Variants in PSME4 observed in about 807,000 individuals in gnomAD.
PSME4 encodes the protein proteasome activator subunit 4, also known as proteasome activator complex subunit 4.
Under a neutral mutation model 253.9 loss-of-function variants are expected in PSME4, and 89 were observed. That is an observed-to-expected ratio of 0.35 (90% CI 0.30 to 0.42). The LOEUF is 0.42. Ranked by LOEUF, PSME4 falls within the 10% of genes least tolerant of loss-of-function variation. PSME4 has a pLI of 1.00. For missense variants in PSME4, 2,014 were observed against 2,195.2 expected, an observed-to-expected ratio of 0.92 and a Z score of 1.65; for synonymous variants, 851 against 759.2, an observed-to-expected ratio of 1.12 and a Z score of -1.99.
In PSME4 at chr2:53,908,384, T is replaced by TGA. The variant is rs752383613; in HGVS notation, c.2718_2719dup (p.His907LeufsTer15). On this transcript the variant is annotated frameshift_variant, in exon 24 of 47. Coordinates refer to ENST00000404125, the MANE Select transcript of PSME4 (RefSeq NM_014614.3). LOFTEE classifies it high-confidence loss of function. ...CCATCGGGAGTCAAATTCATGCTTG[T>TGA]GAGATCCTTGGAATTGTAAAAGGTC... is the stretch of plus-strand genomic sequence containing the variant. 1 of 1,613,262 alleles carries TGA rather than the reference T, an allele frequency of 6.2e-7. No individual in the cohort carries two copies. Among genetic ancestry groups the TGA allele is most frequent in the Non-Finnish European group, 8.5e-7 (1 of 1,179,574 alleles).
At chr2:53,929,570 C>G (rs1266218702) in intron 10 of PSME4, among the ~76,000 whole-genome samples, 1 of 151,748 alleles carries the variant, frequency 6.6e-6, no homozygotes, top group Non-Finnish European at 1.5e-5. Context: ...CCTGGGACTA[C>G]AGGCATAAGC....
At chr2:53,944,377 C>T (rs1669604952) in intron 3 of PSME4, among the ~76,000 whole-genome samples, 1 of 152,142 alleles carries the variant, frequency 6.6e-6, no homozygotes, top group Non-Finnish European at 1.5e-5. Context: ...CCAGGCTGGT[C>T]TCAAACTCCC....
chr2:53,922,424 A>G, intron 17 of PSME4, 93 bp downstream of exon 17: 7 of 1,324,096 alleles, frequency 5.3e-6, no homozygotes, highest in Non-Finnish European at 7.5e-6. Flanking sequence ...GACTTTTCAT[A>G]TGTTTTAAAG....
chr2:53,901,934 G>A (rs1480863196), intron 27 of PSME4, among the ~76,000 whole-genome samples: 1 of 152,130 alleles, frequency 6.6e-6, no homozygotes, highest in Non-Finnish European at 1.5e-5. Context: ...GGGCATGGTG[G>A]CACACACCTG....
chr2:53,874,611 T>C (rs1424349633), intron 42 of PSME4, 117 bp from the exon 43 acceptor site: 3 of 1,045,152 alleles, frequency 2.9e-6, no homozygotes, highest in Non-Finnish European at 4.2e-6. Context: ...TTTACACAGG[T>C]ATAGTTAGGA....
chr2:53,882,611 G>T (rs1679444165), intron 41 of PSME4, among the ~76,000 whole-genome samples: 1 of 152,150 alleles, frequency 6.6e-6, no homozygotes, highest in Non-Finnish European at 1.5e-5. Flanking sequence ...GGGCCATGGA[G>T]ATGAATTTGA....
chr2:53,970,623 C>G lies in PSME4; in HGVS notation c.162G>C (p.Gln54His). 1 of 1,550,032 alleles carries G rather than the reference C, an allele frequency of 6.5e-7. No homozygotes were observed. The change falls in exon 1 of 47, where the codon CAG becomes CAC. Residue 54 changes from glutamine to histidine, a missense_variant. By Grantham distance (24) the Gln-to-His change is conservative. Transcript: ENST00000404125. ...LDAESDLQLAQIKCNLGRAVQ... is the reference protein window; with the variant it reads ...LDAESDLQLAHIKCNLGRAVQ... ...CGGCCCGGCCCAGGTTGCATTTGAT[C>G]TGGGCCAGCTGCAAGTCGGACTCGG... is the stretch of plus-strand genomic sequence containing the variant.
At chr2:53,869,854 C>CT (rs1399464381) in intron 43 of PSME4, 2 of 172,620 alleles carry the variant, frequency 1.2e-5, no homozygotes, top group African/African-American at 4.7e-5. Context: ...GTGCCAGAAC[C>CT]TGACATTAAG....
intron 5 of PSME4, 32 bp from the exon 6 acceptor site, chr2:53,936,859 A>G (rs1409865442): frequency 6.7e-7 from 1 of 1,492,990 alleles, no homozygotes; most frequent in Non-Finnish European, 9.2e-7. Context: ...ATGAATAGCA[A>G]GTGATTTTAA....
At chr2:53,951,649 C>T (rs965868675) in intron 1 of PSME4, among the ~76,000 whole-genome samples, 1 of 152,108 alleles carries the variant, frequency 6.6e-6, no homozygotes, top group Non-Finnish European at 1.5e-5. Context: ...AATCCGAAAC[C>T]CTCCAAAATC....
intron 1 of PSME4, among the ~76,000 whole-genome samples, chr2:53,963,299 C>G (rs1372382113): frequency 2.6e-5 from 4 of 152,008 alleles, no homozygotes; most frequent in African/African-American, 9.7e-5. Context: ...CCCTATGATT[C>G]CAGCCTGGGT....
At position 53,920,189 on chromosome 2, in the gene PSME4, C is replaced by A; in HGVS notation, c.2420+4G>T. On this transcript the variant is annotated splice_donor_region_variant and intron_variant, in intron 19 of 46. Transcript: ENST00000404125. ...AATAACTCTAATTATAAAATAAAAC[C>A]AACCTAGACATTTCAAGTTTTCCAT... The A allele has an allele frequency of 6.3e-7, 1 of 1,586,384 alleles. No individual in the cohort carries two copies. The highest frequency in any genetic ancestry group is 1.8e-5 in the Admixed American group (1 of 55,522).
Position 53,936,142 on chromosome 2 carries a change from G to A in PSME4, c.779C>T (p.Ala260Val). The A allele has an allele frequency of 6.2e-7, 1 of 1,613,402 alleles. No homozygotes were observed. The highest frequency in any genetic ancestry group is 8.5e-7 in the Non-Finnish European group (1 of 1,179,624). ...CCCTATATTATCTGTAGCCAATCGAGCAAAGAGATTTACTAGTTGCTGAAA... is the reference window on the plus strand; with the variant it reads ...CCCTATATTATCTGTAGCCAATCGAACAAAGAGATTTACTAGTTGCTGAAA... ...QWEGQLVNLF[A>V]RLATDNIGYI... The change falls in exon 7 of 47, where the codon GCT (alanine) becomes GTT (valine). Residue 260 changes from alanine to valine, a missense_variant. This residue lies in a region of PSME4 where 615 missense variants were observed against 594.4 expected (regional missense o/e 1.03). Transcript: ENST00000404125.
chr2:53,928,179 T>C lies in PSME4; in HGVS notation c.1441A>G (p.Met481Val). The change falls in exon 11 of 47, where the codon ATG becomes GTG. Residue 481 changes from methionine (M) to valine (V), a missense_variant. Around this residue, in one of 4 missense-constraint regions of PSME4, gnomAD observed 615 missense variants for 594.4 expected, o/e 1.03. Transcript: ENST00000404125. Reference sequence around the variant, plus strand: ...AATGCTCTCATCAACAGAGGTAGCATATGTGTAGGACCTTCAGGAAACCAT... The same window carrying C: ...AATGCTCTCATCAACAGAGGTAGCACATGTGTAGGACCTTCAGGAAACCAT... ...GRWFPEGPTH[M>V]LPLLMRALPG... 6.2e-7 allele frequency: 1 copy of C among 1,614,086 alleles called. No homozygotes were observed. The highest frequency in any genetic ancestry group is 8.5e-7 in the Non-Finnish European group (1 of 1,179,996).
Position 53,874,325 on chromosome 2 carries a change from A to G in PSME4, c.5100+14T>C, listed in dbSNP as rs780735236. ...AATTGACTGAATTTCCGTTTTCTAT[A>G]ACTTAAATTTTACCTCCAGTTGTTC... is the stretch of plus-strand genomic sequence containing the variant. On this transcript the variant is annotated intron_variant, in intron 43 of 46. Transcript: ENST00000404125. The G allele has an allele frequency of 3.7e-6, 6 of 1,601,052 alleles. No homozygotes were observed. Among genetic ancestry groups the G allele is most frequent in the East Asian group, 2.2e-5 (1 of 44,806 alleles).
chr2:53,926,838 G>C (rs550699804), intron 12 of PSME4, among the ~76,000 whole-genome samples: 6 of 151,666 alleles, frequency 4.0e-5, no homozygotes, highest in African/African-American at 1.2e-4. Flanking sequence ...GCCAGGCATG[G>C]TGGTGCATGC....
At chr2:53,939,516 A>G (rs770932769) in intron 4 of PSME4, among the ~76,000 whole-genome samples, 2 of 152,206 alleles carry the variant, frequency 1.3e-5, no homozygotes, top group Non-Finnish European at 2.9e-5. Context: ...GCTTGAGGCC[A>G]GGGGTTCAAG....
rs146719830 is a variant in PSME4, at chr2:53,957,915, C to A, written c.243-8632G>T. 8.7e-4 allele frequency among the ~76,000 whole-genome samples: 132 copies of A among 152,248 alleles called. 1 individual carries two copies. The highest frequency in any genetic ancestry group is 1.9e-3 in the East Asian group (10 of 5,174). ...GCTTACAAAAACTATGTTCACTTTT[C>A]AATCTCCTGTGGAACACACATAAAA... On this transcript the variant is annotated intron_variant, in intron 1 of 46. Transcript: ENST00000404125.
At chr2:53,943,396 C>G (rs1224040359) in intron 3 of PSME4, among the ~76,000 whole-genome samples, 1 of 152,104 alleles carries the variant, frequency 6.6e-6, no homozygotes, top group Non-Finnish European at 1.5e-5. Context: ...TTCTCTACAC[C>G]CAAACAAATC....
Sources: allele counts gnomAD v4.1 joint callset (sites outside exome capture counted in the v4.1 genomes callset), GRCh38; gene constraint gnomAD v4.1.1; regional missense constraint gnomAD v4.1.1; transcripts MANE v1.5; gene names NCBI Gene and HGNC (gene_info 2026-07-23, HGNC 2026-07-21).